OPCML: variants seen among roughly 807,000 people sequenced by gnomAD.
OPCML encodes opioid-binding protein/cell adhesion molecule.
In OPCML, 13 loss-of-function variants were observed where a neutral mutation model predicts 37.8. The observed-to-expected ratio is 0.34, with a 90% confidence interval of 0.22 to 0.55. OPCML has a LOEUF of 0.55. Ranked by LOEUF, OPCML falls within the 20% of genes least tolerant of loss-of-function variation. OPCML has a pLI of 0.91. For missense variants in OPCML, 341 were observed against 435.6 expected, an observed-to-expected ratio of 0.78 and a Z score of 1.93; for synonymous variants, 176 against 168.8, an observed-to-expected ratio of 1.04 and a Z score of -0.33.
At chr11:132,878,419 A>T (rs760817741) in intron 2 of OPCML, among the ~76,000 whole-genome samples, 2 of 152,216 alleles carry the variant, frequency 1.3e-5, no homozygotes, top group Non-Finnish European at 2.9e-5. Flanking sequence ...TGGAACAAAA[A>T]GGCTGAGTAA....
In OPCML at chr11:132,951,335, C is replaced by T. The variant is rs143086492; in HGVS notation, c.62-8325G>A. Among the ~76,000 whole-genome samples the T allele has an allele frequency of 3.2e-3, 484 of 152,256 alleles. 1 individual carries two copies. The highest frequency in any genetic ancestry group is 0.011 in the African/African-American group (467 of 41,550). ...TCAGGGTGCCAGCGTGAACATGCTC[C>T]GACGAGGGCTCTCTTTCTGGCTTGA... On this transcript the variant is annotated intron_variant, in intron 1 of 7. Coordinates refer to ENST00000524381, the MANE Select transcript of OPCML (RefSeq NM_001012393.5).
chr11:132,971,741 A>G (rs983936082), intron 1 of OPCML, among the ~76,000 whole-genome samples: 1 of 151,990 alleles, frequency 6.6e-6, no homozygotes, highest in Non-Finnish European at 1.5e-5. Context: ...TGGTCATTAC[A>G]CTGTCACCTT....
intron 1 of OPCML, among the ~76,000 whole-genome samples, chr11:132,974,296 T>C (rs760318653): frequency 5.9e-5 from 9 of 152,202 alleles, no homozygotes; most frequent in Non-Finnish European, 1.3e-4. Flanking sequence ...CTCAAAGAGT[T>C]TTCCAAAATG....
At chr11:132,928,421 A>T (rs1021109677) in intron 2 of OPCML, among the ~76,000 whole-genome samples, 6 of 152,062 alleles carry the variant, frequency 3.9e-5, no homozygotes, top group Non-Finnish European at 7.4e-5. Context: ...TTTACCAACA[A>T]GATACAAAAA....
intron 1 of OPCML, among the ~76,000 whole-genome samples, chr11:133,192,522 G>C (rs1227897610): frequency 1.3e-5 from 2 of 152,198 alleles, no homozygotes; most frequent in Non-Finnish European, 2.9e-5. Flanking sequence ...GGTAAAACTT[G>C]CATTTCCTTT....
At position 132,415,731 on chromosome 11, in the gene OPCML, C is replaced by G. The variant is rs1283686941; in HGVS notation, c.*4462G>C. On this transcript the variant is annotated 3_prime_UTR_variant, in exon 8 of 8. Coordinates refer to ENST00000524381, the MANE Select transcript of OPCML (RefSeq NM_001012393.5). ...AGTCCACTCCACATTTCTTTGGACTCTAAGTATTCTGCACCTGAAGGCTAA... is the reference window on the plus strand; with the variant it reads ...AGTCCACTCCACATTTCTTTGGACTGTAAGTATTCTGCACCTGAAGGCTAA... The G allele has an allele frequency of 1.3e-5, 2 of 152,616 alleles. No homozygotes were observed. Among genetic ancestry groups the G allele is most frequent in the African/African-American group, 2.4e-5 (1 of 41,450 alleles). The allele number at this position is 152,616 out of a possible 1,614,324, so 9.5% of individuals were successfully genotyped here.
chr11:132,911,915 A>C (rs1461493861), intron 2 of OPCML, among the ~76,000 whole-genome samples: 1 of 152,206 alleles, frequency 6.6e-6, no homozygotes, highest in East Asian at 1.9e-4. Context: ...TTCAGAATGC[A>C]CAGAGCTGGA....
intron 1 of OPCML, among the ~76,000 whole-genome samples, chr11:133,279,912 G>A (rs1382031756): frequency 6.6e-6 from 1 of 152,170 alleles, no homozygotes; most frequent in Non-Finnish European, 1.5e-5. Context: ...TTATTTGTGA[G>A]GAAATAATGA....
intron 3 of OPCML, among the ~76,000 whole-genome samples, chr11:132,635,823 A>T (rs879233531): frequency 6.6e-6 from 1 of 152,300 alleles, no homozygotes; most frequent in East Asian, 1.9e-4. Context: ...GGTAATCATG[A>T]TCATAAGTCA....
chr11:132,588,193 A>C (rs939864088), intron 3 of OPCML, among the ~76,000 whole-genome samples: 1 of 152,096 alleles, frequency 6.6e-6, no homozygotes, highest in African/African-American at 2.4e-5. Context: ...AGGTAAGACT[A>C]TGTTTGGGAT....
chr11:132,902,533 G>T (rs1368155807), intron 2 of OPCML, among the ~76,000 whole-genome samples: 1 of 152,096 alleles, frequency 6.6e-6, no homozygotes, highest in East Asian at 1.9e-4. Context: ...TCAGGGATGG[G>T]GGAGAAGAAA....
chr11:132,722,790 A>T (rs1944721347), intron 2 of OPCML, among the ~76,000 whole-genome samples: 1 of 152,148 alleles, frequency 6.6e-6, no homozygotes, highest in African/African-American at 2.4e-5. Flanking sequence ...GAGAGGTCAG[A>T]TCTCCCAGGC....
chr11:132,838,929 G>A (rs377288259), intron 2 of OPCML, among the ~76,000 whole-genome samples: 33 of 152,290 alleles, frequency 2.2e-4, no homozygotes, highest in African/African-American at 7.7e-4. Context: ...GTGGCAGGAA[G>A]GAGGTCCTTA....
At chr11:132,668,097 T>C (rs923168893) in intron 2 of OPCML, among the ~76,000 whole-genome samples, 3 of 152,144 alleles carry the variant, frequency 2.0e-5, no homozygotes, top group Admixed American at 2.0e-4. Flanking sequence ...GAAGTCTTAA[T>C]AAAGTCCTTG....
At chr11:132,451,761 G>A (rs956628112) in intron 4 of OPCML, among the ~76,000 whole-genome samples, 12 of 152,156 alleles carry the variant, frequency 7.9e-5, no homozygotes, top group African/African-American at 2.7e-4. Flanking sequence ...AGAACCTCAT[G>A]TAGATTGGTG....
intron 4 of OPCML, among the ~76,000 whole-genome samples, chr11:132,460,724 C>T (rs971049044): frequency 1.3e-5 from 2 of 152,216 alleles, no homozygotes; most frequent in African/African-American, 4.8e-5. Context: ...AACTTCAGCA[C>T]TGCACAATAA....
intron 2 of OPCML, among the ~76,000 whole-genome samples, chr11:132,862,314 A>T (rs962255080): frequency 1.3e-5 from 2 of 152,174 alleles, no homozygotes; most frequent in African/African-American, 4.8e-5. Context: ...AGTTTCGGGT[A>T]GGCTGGGTGC....
chr11:133,249,229 C>A (rs1941048019), intron 1 of OPCML, among the ~76,000 whole-genome samples: 1 of 152,086 alleles, frequency 6.6e-6, no homozygotes. Flanking sequence ...TCTGGTAGGG[C>A]TTAAGGGAGC....
chr11:133,264,687 T>C (rs1941600678), intron 1 of OPCML, among the ~76,000 whole-genome samples: 2 of 152,090 alleles, frequency 1.3e-5, no homozygotes, highest in South Asian at 2.1e-4. Flanking sequence ...TTCCTCAACT[T>C]TCAATCAACT....
Sources: gnomAD v4.1 joint callset for allele counts (sites outside exome capture counted in the v4.1 genomes callset) on GRCh38, gnomAD v4.1.1 for gene constraint, MANE v1.5 for transcripts, NCBI Gene and HGNC (gene_info 2026-07-23, HGNC 2026-07-21) for gene names.